The following AGBL1 variants were observed in gnomAD, a reference collection of about 807,000 sequenced individuals.
AGBL1 encodes AGBL carboxypeptidase 1, also known as cytosolic carboxypeptidase 4.
Under a neutral mutation model 118.9 loss-of-function variants are expected in AGBL1, and 130 were observed. The ratio of observed to expected loss-of-function variants is 1.09; its 90% confidence interval spans 0.95 to 1.26. The LOEUF (loss-of-function observed/expected upper bound fraction) is 1.26, where lower values mean the gene tolerates loss of function less well. Ranked by LOEUF, AGBL1 falls within the 50% of genes most tolerant of loss-of-function variation. The pLI is 0.00. For synonymous variants in AGBL1, 555 were observed against 478.9 expected (o/e 1.16, Z -2.08); for missense variants, 1,584 against 1,298.1 (o/e 1.22, Z -3.38).
intron 5 of AGBL1, among the ~76,000 whole-genome samples, chr15:86,208,010 GTT>G (rs57733321): frequency 0.54 from 81,545 of 150,348 alleles, 22,181 homozygotes; most frequent in South Asian, 0.74. Context: ...TTTATTGAGA[GTT>G]TTTTTTTTTA....
intron 23 of AGBL1, chr15:86,946,056 AC>A (rs1002572095): frequency 9.9e-5 from 15 of 152,236 alleles, no homozygotes; most frequent in African/African-American, 3.6e-4. Flanking sequence ...CCGAAGTCAA[AC>A]AGATATTTTA....
chr15:86,812,025 C>G (rs2078797277), intron 22 of AGBL1, among the ~76,000 whole-genome samples: 1 of 152,180 alleles, frequency 6.6e-6, no homozygotes, highest in Admixed American at 6.5e-5. Flanking sequence ...ACTTTGTAAA[C>G]TTTAAAATAC....
chr15:86,530,646 C>T (rs985669223), intron 19 of AGBL1, among the ~76,000 whole-genome samples: 1 of 151,564 alleles, frequency 6.6e-6, no homozygotes, highest in Non-Finnish European at 1.5e-5. Flanking sequence ...CCCAAATCAA[C>T]AGAATATACA....
chr15:86,364,747 T>C (rs951853683), intron 17 of AGBL1, among the ~76,000 whole-genome samples: 1 of 151,898 alleles, frequency 6.6e-6, no homozygotes, highest in Non-Finnish European at 1.5e-5. Context: ...TGTGTTTCAA[T>C]CCCTTTTTTT....
chr15:86,348,916 G>T (rs1284090346), intron 17 of AGBL1, among the ~76,000 whole-genome samples: 4 of 152,138 alleles, frequency 2.6e-5, no homozygotes, highest in Non-Finnish European at 5.9e-5. Context: ...TGAGGAAGAG[G>T]TCTCTGTAGA....
intron 22 of AGBL1, among the ~76,000 whole-genome samples, chr15:86,684,140 T>C (rs902184129): frequency 6.6e-6 from 1 of 152,048 alleles, no homozygotes; most frequent in Non-Finnish European, 1.5e-5. Context: ...GGAGAAGAAA[T>C]CAAGGCATTT....
At chr15:86,083,082 T>C (rs770773834) in intron 1 of AGBL1, among the ~76,000 whole-genome samples, 4 of 152,166 alleles carry the variant, frequency 2.6e-5, no homozygotes, top group Non-Finnish European at 4.4e-5. Context: ...TTTGAATGAC[T>C]GTGGTTTTAT....
rs1270434696 is a variant in AGBL1, at chr15:86,247,673, T to A, written c.529T>A (p.Ser177Thr). Reference protein sequence around the residue: ...EVLAALLKSKSNGRRAVNRGY... With the variant: ...EVLAALLKSKTNGRRAVNRGY... ...CCTGCCTTTCCCTTTGTTTTCAGAG[T>A]CGAACGGCCGCAGAGCAGTGAACCG... The change falls in exon 7 of 23, where the codon TCG (serine) becomes ACG (threonine). Residue 177 changes from serine to threonine, a missense_variant and splice_region_variant. Ser to Thr is a moderately conservative substitution (Grantham distance 58, BLOSUM62 1). Transcript: ENST00000614907. 6.3e-7 allele frequency: 1 copy of A among 1,598,456 alleles called. No individual in the cohort carries two copies. Among genetic ancestry groups the A allele is most frequent in the Non-Finnish European group, 8.5e-7 (1 of 1,172,602 alleles).
chr15:86,798,486 A>G (rs1339149416), intron 22 of AGBL1, among the ~76,000 whole-genome samples: 2 of 152,092 alleles, frequency 1.3e-5, no homozygotes, highest in Non-Finnish European at 2.9e-5. Flanking sequence ...ATTTGAATTG[A>G]GAAGACTCTG....
chr15:86,536,979 G>A (rs1006766549), intron 19 of AGBL1, among the ~76,000 whole-genome samples: 1 of 152,212 alleles, frequency 6.6e-6, no homozygotes, highest in African/African-American at 2.4e-5. Flanking sequence ...AATGATCGTG[G>A]CCAAGGGCAT....
chr15:86,742,864 C>G (rs1381469688), intron 22 of AGBL1, among the ~76,000 whole-genome samples: 5 of 152,162 alleles, frequency 3.3e-5, no homozygotes, highest in Non-Finnish European at 7.3e-5. Flanking sequence ...GAATCAGAAG[C>G]CTACAGGTAG....
chr15:86,489,115 G>A (rs2082747940), intron 18 of AGBL1, among the ~76,000 whole-genome samples: 1 of 152,130 alleles, frequency 6.6e-6, no homozygotes, highest in Non-Finnish European at 1.5e-5. Context: ...GCCAAGAAAG[G>A]AAAGTATATC....
rs8040107 is a variant in AGBL1, at chr15:86,402,447, T to C, written c.2555+4901T>C. On this transcript the variant is annotated intron_variant, in intron 18 of 22. Transcript: ENST00000614907. Reference sequence around the variant, plus strand: ...ATTTACAGATTTGGATGCCCTTTATTTCTTGTCTGATTGCTGTGGCTAGGA... The same window carrying C: ...ATTTACAGATTTGGATGCCCTTTATCTCTTGTCTGATTGCTGTGGCTAGGA... Among the ~76,000 whole-genome samples the C allele has an allele frequency of 2.5e-3, 374 of 152,220 alleles. 3 individuals carry two copies. The highest frequency in any genetic ancestry group is 8.4e-3 in the African/African-American group (351 of 41,540).
intron 19 of AGBL1, among the ~76,000 whole-genome samples, chr15:86,534,143 T>G (rs2083389779): frequency 6.7e-6 from 1 of 149,072 alleles, no homozygotes; most frequent in Non-Finnish European, 1.5e-5. Context: ...AAGATTGTCC[T>G]TTTCTTTGAG....
intron 18 of AGBL1, among the ~76,000 whole-genome samples, chr15:86,410,861 A>ATTATAT (rs2081604166): frequency 1.3e-4 from 9 of 71,192 alleles, no homozygotes; most frequent in Non-Finnish European, 1.9e-4. Context: ...TTTTATATAT[A>ATTATAT]AAATATATAA....
At chr15:86,500,032 T>G (rs1198926454) in intron 18 of AGBL1, among the ~76,000 whole-genome samples, 1 of 151,834 alleles carries the variant, frequency 6.6e-6, no homozygotes, top group Non-Finnish European at 1.5e-5. Context: ...TGAGCTATTT[T>G]TATGTTGTGT....
chr15:86,415,674 T>G (rs1434056985), intron 18 of AGBL1, among the ~76,000 whole-genome samples: 1 of 152,182 alleles, frequency 6.6e-6, no homozygotes. Context: ...CTAAGATTTT[T>G]TAATATTAAT....
intron 5 of AGBL1, among the ~76,000 whole-genome samples, chr15:86,196,831 C>G (rs1400080066): frequency 6.6e-6 from 1 of 150,492 alleles, no homozygotes; most frequent in Non-Finnish European, 1.5e-5. Flanking sequence ...TCCTTTCTCT[C>G]TTTCCTCCTC....
intron 17 of AGBL1, among the ~76,000 whole-genome samples, chr15:86,334,316 T>C (rs751993264): frequency 3.3e-5 from 5 of 152,168 alleles, no homozygotes; most frequent in Non-Finnish European, 7.4e-5. Context: ...AGGACTTCAG[T>C]AAAGTTTCAG....
Sources: allele counts gnomAD v4.1 joint callset (sites outside exome capture counted in the v4.1 genomes callset), GRCh38; gene constraint gnomAD v4.1.1; transcripts MANE v1.5; gene names NCBI Gene and HGNC (gene_info 2026-07-23, HGNC 2026-07-21).